The following NCOA3 variants were observed in gnomAD, a reference collection of about 807,000 sequenced individuals.
NCOA3 encodes the protein CBP-interacting protein.
Under a neutral mutation model 158.8 loss-of-function variants are expected in NCOA3, and 51 were observed. The ratio of observed to expected loss-of-function variants is 0.32; its 90% CI spans 0.26 to 0.41. The LOEUF (loss-of-function observed/expected upper bound fraction) is 0.41, where lower values mean the gene tolerates loss of function less well. NCOA3 is among the 10% of genes least tolerant of loss of function. NCOA3 has a pLI of 1.00. For synonymous variants in NCOA3, 537 were observed against 592.4 expected (o/e 0.91, Z 1.36); for missense variants, 1,510 against 1,746.6 (o/e 0.86, Z 2.41).
chr20:47,627,175 A>G lies in NCOA3; in HGVS notation c.531A>G (p.Thr177=), dbSNP rs746715619. ...TTCTTAAGAATTTACCAAAATCTAC[A>G]GGTAGGCTTTTAATGTGTATTTTCT... ...KDFLKNLPKS[T]VNGVSWTNET... The change falls in exon 6 of 23, where the codon ACA becomes ACG. Residue 177 remains threonine, a splice_region_variant and synonymous_variant. Transcript: ENST00000371998. The G allele has an allele frequency of 6.3e-7, 1 of 1,594,516 alleles. No homozygotes were observed. Among genetic ancestry groups the G allele is most frequent in the Non-Finnish European group, 8.5e-7 (1 of 1,170,304 alleles).
At chr20:47,536,503 AT>A (rs1016909130) in intron 1 of NCOA3, among the ~76,000 whole-genome samples, 1 of 152,222 alleles carries the variant, frequency 6.6e-6, no homozygotes, top group African/African-American at 2.4e-5. Context: ...TGCAGACAAT[AT>A]ATCCTATACA....
intron 1 of NCOA3, among the ~76,000 whole-genome samples, chr20:47,543,171 T>C (rs1473578576): frequency 6.6e-6 from 1 of 152,198 alleles, no homozygotes; most frequent in African/African-American, 2.4e-5. Flanking sequence ...TCTCAGTTTC[T>C]GCCTGAGTGT....
chr20:47,585,203 G>A (rs1347486101), intron 2 of NCOA3, among the ~76,000 whole-genome samples: 1 of 151,596 alleles, frequency 6.6e-6, no homozygotes, highest in African/African-American at 2.4e-5. Context: ...AGGCGTGCAC[G>A]GCCACATCCG....
chr20:47,590,397 T>G (rs2085610065), intron 2 of NCOA3, among the ~76,000 whole-genome samples: 1 of 152,164 alleles, frequency 6.6e-6, no homozygotes, highest in Admixed American at 6.5e-5. Context: ...TGTGGCTCAT[T>G]GCAATCTTGA....
chr20:47,635,869 C>A lies in NCOA3; in HGVS notation c.1505-22C>A, dbSNP rs781612379. The stretch of plus-strand genomic sequence containing the variant: ...AGTGTCTGGTAGTCTAATTCTTTTC[C>A]TAAATTTTTTTTCAAATTCAGGTGT... On this transcript the variant is annotated intron_variant, in intron 11 of 22. Transcript: ENST00000371998. 7.6e-6 allele frequency: 12 copies of A among 1,570,188 alleles called. No individual in the cohort carries two copies. The South Asian group carries it at 1.4e-4, about 19-fold the overall frequency.
Position 47,651,191 on chromosome 20 carries a change from T to C in NCOA3, c.3861T>C (p.Thr1287=), listed in dbSNP as rs1403675048. 1.2e-6 allele frequency: 2 copies of C among 1,614,062 alleles called. No homozygotes were observed. Among genetic ancestry groups the C allele is most frequent in the Non-Finnish European group, 1.7e-6 (2 of 1,179,984 alleles). Residue 1287 remains threonine, a synonymous_variant, in exon 20 of 23, where the codon ACT becomes ACC. Coordinates refer to ENST00000371998, the MANE Select transcript of NCOA3 (RefSeq NM_181659.3). ...TQAFSPPPNV[T]ASPSMDGLLA... is the part of the protein sequence containing the mutation. ...CCTTCAGCCCACCTCCTAATGTGAC[T>C]GCTTCCCCCAGCATGGATGGGCTTT...
chr20:47,536,235 T>C (rs919023236), intron 1 of NCOA3, among the ~76,000 whole-genome samples: 1 of 152,130 alleles, frequency 6.6e-6, no homozygotes, highest in Non-Finnish European at 1.5e-5. Flanking sequence ...TCCCTGCCCT[T>C]CTCCCATATC....
intron 1 of NCOA3, among the ~76,000 whole-genome samples, chr20:47,566,942 G>A (rs2085203956): frequency 6.6e-6 from 1 of 152,072 alleles, no homozygotes; most frequent in South Asian, 2.1e-4. Flanking sequence ...AACATAGCAA[G>A]ACTGTCAAAA....
chr20:47,606,287 T>G (rs905799201), intron 2 of NCOA3, among the ~76,000 whole-genome samples: 2 of 152,190 alleles, frequency 1.3e-5, no homozygotes, highest in East Asian at 1.9e-4. Context: ...CTTTTAAGGG[T>G]TCTACATGGT....
At chr20:47,577,894 A>C (rs894504758) in intron 1 of NCOA3, among the ~76,000 whole-genome samples, 1 of 152,206 alleles carries the variant, frequency 6.6e-6, no homozygotes, top group African/African-American at 2.4e-5. Flanking sequence ...ATTATAAGTC[A>C]GCTTGATTCT....
In NCOA3 at chr20:47,555,616, T is replaced by C. The variant is rs2084990222; in HGVS notation, c.-98-27567T>C. On this transcript the variant is annotated intron_variant, in intron 1 of 22. Transcript: ENST00000371998. ...GATGCAGATTTATTTTGTTTTTCCT[T>C]AGATACTATTAAAGTGTTTTTTTTT... Among the ~76,000 whole-genome samples the C allele has an allele frequency of 2.0e-5, 3 of 151,254 alleles. No homozygotes were observed. The South Asian group carries it at 6.3e-4, about 32-fold the overall frequency.
intron 1 of NCOA3, 116 bp downstream of exon 1, chr20:47,502,135 A>G (rs973555529): frequency 1.0e-5 from 4 of 397,576 alleles, no homozygotes; most frequent in African/African-American, 2.1e-5. Flanking sequence ...CTGCCAAGGC[A>G]CTGAGGGGCG....
intron 1 of NCOA3, among the ~76,000 whole-genome samples, chr20:47,580,578 A>C (rs987162787): frequency 2.0e-5 from 3 of 151,390 alleles, no homozygotes; most frequent in Admixed American, 2.0e-4. Context: ...CCCCCCAAAA[A>C]ATCCTTTCCT....
intron 1 of NCOA3, among the ~76,000 whole-genome samples, chr20:47,513,719 C>T (rs1488233089): frequency 1.1e-4 from 4 of 36,972 alleles, no homozygotes; most frequent in Admixed American, 6.7e-4. Context: ...AAGACTCTGT[C>T]TCAAAAAAAA....
At chr20:47,534,562 G>C (rs2084602419) in intron 1 of NCOA3, among the ~76,000 whole-genome samples, 1 of 152,108 alleles carries the variant, frequency 6.6e-6, no homozygotes, top group Admixed American at 6.5e-5. Context: ...TTAAGAATAA[G>C]ATATGAAAAA....
intron 1 of NCOA3, among the ~76,000 whole-genome samples, chr20:47,520,969 G>A (rs762665810): frequency 3.9e-5 from 6 of 152,210 alleles, no homozygotes; most frequent in Non-Finnish European, 5.9e-5. Flanking sequence ...GAACAACACC[G>A]CAAGTACGGT....
intron 1 of NCOA3, among the ~76,000 whole-genome samples, chr20:47,544,391 A>G (rs959608779): frequency 1.4e-5 from 2 of 143,444 alleles, no homozygotes; most frequent in East Asian, 4.0e-4. Context: ...TTGTGCTGAC[A>G]TGGTTCACTG....
intron 1 of NCOA3, among the ~76,000 whole-genome samples, chr20:47,552,699 G>A (rs1341693667): frequency 1.3e-5 from 2 of 151,938 alleles, no homozygotes; most frequent in African/African-American, 2.4e-5. Context: ...GTTCATTAAA[G>A]GTTTTTGTTG....
intron 22 of NCOA3, 35 bp from the exon 23 acceptor site, chr20:47,653,371 T>A (rs1391751666): frequency 9.4e-7 from 1 of 1,067,896 alleles, no homozygotes; most frequent in Non-Finnish European, 1.2e-6. Context: ...TTTACTCATT[T>A]TTTTTTTTTT....
Sources: allele counts gnomAD v4.1 joint callset (sites outside exome capture counted in the v4.1 genomes callset), GRCh38; gene constraint gnomAD v4.1.1; transcripts MANE v1.5; gene names NCBI Gene and HGNC (gene_info 2026-07-23, HGNC 2026-07-21).